Variants in STK38L observed in about 807,000 individuals in gnomAD.
STK38L encodes the protein serine/threonine kinase 38 like.
STK38L carries 28 observed loss-of-function variants against 59.7 expected under a neutral mutation model. The observed-to-expected ratio is 0.47, with a 90% CI of 0.35 to 0.64. The LOEUF is 0.64. Among genes scored for constraint, STK38L ranks in the 30% least tolerant of loss-of-function variants. The pLI is 0.01. For synonymous variants in STK38L, 162 were observed against 176.8 expected (o/e 0.92, Z 0.66); for missense variants, 314 against 555.8 (o/e 0.56, Z 4.37).
chr12:27,281,067 GTTTTTTTTTTTTTTTTTTT>G (rs1167645624), intron 1 of STK38L, among the ~76,000 whole-genome samples: 2 of 11,548 alleles, frequency 1.7e-4, no homozygotes, highest in Admixed American at 1.5e-3. Flanking sequence ...CTTTAGCTTT[GTTTTTTTTTTTTTTTTTTT>G]TTTTTTTTTT....
rs572908550 is a variant in STK38L, at chr12:27,316,836, T to C, written c.838-500T>C. ...TATTGTTTCATCTTCATATCAACTCTATTAGGGCAGGTATTATTATTCTAG... is the reference window on the plus strand; with the variant it reads ...TATTGTTTCATCTTCATATCAACTCCATTAGGGCAGGTATTATTATTCTAG... On this transcript the variant is annotated intron_variant, in intron 9 of 13. Transcript: ENST00000389032. Among the ~76,000 whole-genome samples the C allele has an allele frequency of 3.9e-5, 6 of 152,338 alleles. No homozygotes were observed. The South Asian group carries it at 1.2e-3, about 32-fold the overall frequency.
intron 1 of STK38L, among the ~76,000 whole-genome samples, chr12:27,264,825 G>A (rs996551226): frequency 1.3e-5 from 2 of 152,184 alleles, no homozygotes; most frequent in African/African-American, 4.8e-5. Context: ...GCATATCAAA[G>A]GATGACTGTA....
intron 1 of STK38L, among the ~76,000 whole-genome samples, chr12:27,287,460 A>G (rs1397937401): frequency 6.6e-6 from 1 of 152,140 alleles, no homozygotes. Flanking sequence ...TCTCCAAATT[A>G]TTCTTTTAAT....
intron 1 of STK38L, among the ~76,000 whole-genome samples, chr12:27,282,876 A>C (rs903611359): frequency 6.6e-6 from 1 of 152,208 alleles, no homozygotes; most frequent in Non-Finnish European, 1.5e-5. Flanking sequence ...CTGATCGCTT[A>C]GTTTAAGAGA....
At chr12:27,291,238 A>T (rs2136634004) in intron 1 of STK38L, among the ~76,000 whole-genome samples, 1 of 152,250 alleles carries the variant, frequency 6.6e-6, no homozygotes, top group East Asian at 1.9e-4. Context: ...AAAGTTCCTT[A>T]TTTCTACCTT....
chr12:27,304,001 C>T (rs552273253), intron 3 of STK38L, among the ~76,000 whole-genome samples: 1 of 152,236 alleles, frequency 6.6e-6, no homozygotes, highest in South Asian at 2.1e-4. Context: ...GTGGCACACA[C>T]CTGTAATCCC....
At chr12:27,303,963 GATTA>G (rs768067474) in intron 3 of STK38L, among the ~76,000 whole-genome samples, 12 of 152,114 alleles carry the variant, frequency 7.9e-5, no homozygotes, top group Non-Finnish European at 1.3e-4. Flanking sequence ...TCACAACCCA[GATTA>G]ATTAGTTTAA....
intron 7 of STK38L, 89 bp downstream of exon 7, chr12:27,314,747 A>G: frequency 7.3e-7 from 1 of 1,378,340 alleles, no homozygotes; most frequent in Non-Finnish European, 9.8e-7. Context: ...AGCAACTGCA[A>G]TTTAGAATAT....
At chr12:27,246,153 A>G (rs1033815664) in intron 1 of STK38L, among the ~76,000 whole-genome samples, 1 of 152,238 alleles carries the variant, frequency 6.6e-6, no homozygotes, top group African/African-American at 2.4e-5. Context: ...GTAAGAACAA[A>G]GGAGAAATTG....
At chr12:27,255,569 T>A (rs1253707076) in intron 1 of STK38L, among the ~76,000 whole-genome samples, 1 of 152,192 alleles carries the variant, frequency 6.6e-6, no homozygotes, top group East Asian at 1.9e-4. Flanking sequence ...TGTTGTGAAT[T>A]CCCTGTACAT....
intron 2 of STK38L, chr12:27,300,685 A>G: frequency 4.5e-6 from 2 of 449,236 alleles, no homozygotes; most frequent in South Asian, 3.1e-5. Flanking sequence ...TGCATAAACA[A>G]AAGACAAAAA....
intron 1 of STK38L, among the ~76,000 whole-genome samples, chr12:27,276,613 A>T (rs1943543260): frequency 6.6e-6 from 1 of 152,248 alleles, no homozygotes; most frequent in Admixed American, 6.5e-5. Flanking sequence ...AAAAAGCAAG[A>T]TACTGTATTT....
chr12:27,248,726 A>G (rs989548519), intron 1 of STK38L, among the ~76,000 whole-genome samples: 1 of 152,256 alleles, frequency 6.6e-6, no homozygotes, highest in African/African-American at 2.4e-5. Context: ...GAAGACACCT[A>G]TACTAGGACA....
At chr12:27,312,421 C>A in intron 5 of STK38L, 128 bp from the exon 6 acceptor site, 1 of 951,070 alleles carries the variant, frequency 1.1e-6, no homozygotes, top group Non-Finnish European at 1.6e-6. Context: ...AACATTCATA[C>A]ATGTATCAAA....
chr12:27,260,438 A>G (rs144121574), intron 1 of STK38L, among the ~76,000 whole-genome samples: 38 of 152,306 alleles, frequency 2.5e-4, no homozygotes, highest in African/African-American at 9.1e-4. Context: ...AATAAGTGTG[A>G]ATTCTCATGG....
At chr12:27,273,616 G>A (rs906999794) in intron 1 of STK38L, among the ~76,000 whole-genome samples, 4 of 152,158 alleles carry the variant, frequency 2.6e-5, no homozygotes, top group Non-Finnish European at 5.9e-5. Flanking sequence ...CAATAACAGA[G>A]TGTTAGCATT....
intron 1 of STK38L, among the ~76,000 whole-genome samples, chr12:27,255,111 A>G (rs534174885): frequency 1.3e-5 from 2 of 152,378 alleles, no homozygotes; most frequent in South Asian, 2.1e-4. Flanking sequence ...TCTGAAATGT[A>G]GTTAAAGCTT....
rs747801755 is a variant in STK38L, at chr12:27,322,114, TAC to T, written c.1176-28_1176-27del. On this transcript the variant is annotated intron_variant, in intron 12 of 13. Coordinates refer to ENST00000389032, the MANE Select transcript of STK38L (RefSeq NM_015000.4). ...TGGAAATTGAGAGTTCAAGAAAAGT[TAC>T]CATGCATACTTAATACCTTTTTATA... 3 of 1,585,980 alleles carry T rather than the reference TAC, an allele frequency of 1.9e-6. No individual in the cohort carries two copies. The East Asian group carries it at 6.7e-5, about 36-fold the overall frequency.
At chr12:27,287,231 G>A (rs1334770434) in intron 1 of STK38L, among the ~76,000 whole-genome samples, 2 of 151,606 alleles carry the variant, frequency 1.3e-5, no homozygotes, top group African/African-American at 4.9e-5. Flanking sequence ...TCAGCCTCCT[G>A]AGTAGCTAGG....
Sources: gnomAD v4.1 joint callset for allele counts (sites outside exome capture counted in the v4.1 genomes callset) on GRCh38, gnomAD v4.1.1 for gene constraint, MANE v1.5 for transcripts, NCBI Gene and HGNC (gene_info 2026-07-23, HGNC 2026-07-21) for gene names.